TAF1B: variants seen among roughly 807,000 people sequenced by gnomAD.
TAF1B encodes the protein TATA-box binding protein associated factor, RNA polymerase I subunit B, also known as TATA box-binding protein-associated factor RNA polymerase I subunit B.
In TAF1B, 61 loss-of-function variants were observed where a neutral mutation model predicts 83.9. The ratio of observed to expected loss-of-function variants is 0.73; its 90% CI spans 0.59 to 0.90. The LOEUF is 0.90. Ranked by LOEUF, TAF1B falls within the 40% of genes least tolerant of loss-of-function variation. The pLI is 0.00. For missense variants in TAF1B, 625 were observed against 677.0 expected (o/e 0.92, Z 0.85); for synonymous variants, 221 against 224.6 (o/e 0.98, Z 0.14).
intron 14 of TAF1B, among the ~76,000 whole-genome samples, chr2:9,927,459 A>G (rs1666076269): frequency 6.6e-6 from 1 of 152,210 alleles, no homozygotes; most frequent in African/African-American, 2.4e-5. Flanking sequence ...GTCTTCCACA[A>G]TGGTTGAACT....
intron 8 of TAF1B, among the ~76,000 whole-genome samples, chr2:9,901,285 A>T (rs1665169870): frequency 6.6e-6 from 1 of 152,212 alleles, no homozygotes; most frequent in African/African-American, 2.4e-5. Context: ...TAAAAAATGA[A>T]ATCTGTAATA....
intron 5 of TAF1B, among the ~76,000 whole-genome samples, chr2:9,867,292 C>G (rs534665242): frequency 6.6e-6 from 1 of 152,088 alleles, no homozygotes; most frequent in Non-Finnish European, 1.5e-5. Context: ...CCAGAAGAAT[C>G]AGGCAGAGGC....
chr2:9,893,274 T>G (rs1319275913), intron 8 of TAF1B, among the ~76,000 whole-genome samples: 1 of 152,226 alleles, frequency 6.6e-6, no homozygotes, highest in Non-Finnish European at 1.5e-5. Flanking sequence ...TGTGTAATTT[T>G]ATTTCTGCGT....
At chr2:9,877,435 A>G (rs942545169) in intron 7 of TAF1B, among the ~76,000 whole-genome samples, 4 of 152,208 alleles carry the variant, frequency 2.6e-5, no homozygotes, top group South Asian at 4.2e-4. Flanking sequence ...TTTCCCCTCT[A>G]CGTACACTGT....
At chr2:9,843,581 CG>C in intron 1 of TAF1B, 22 bp downstream of exon 1, 1 of 1,506,780 alleles carries the variant, frequency 6.6e-7, no homozygotes, top group Non-Finnish European at 8.9e-7. Context: ...GTGCACCTGG[CG>C]GGCCACGATC....
rs1038283011 is a variant in TAF1B, at chr2:9,894,348, G to A, written c.808-10511G>A. On this transcript the variant is annotated intron_variant, in intron 8 of 14. Coordinates refer to ENST00000263663, the MANE Select transcript of TAF1B (RefSeq NM_005680.3). ...ATATTTATTATACAATATATCAGAA[G>A]GCCACTAAATAGTGGCATTTGGTTA... Among the ~76,000 whole-genome samples the A allele has an allele frequency of 2.0e-5, 3 of 151,972 alleles. No individual in the cohort carries two copies. The South Asian group carries it at 6.2e-4, about 31-fold the overall frequency.
chr2:9,886,695 A>G (rs1197022614), intron 8 of TAF1B, among the ~76,000 whole-genome samples: 1 of 152,176 alleles, frequency 6.6e-6, no homozygotes, highest in Non-Finnish European at 1.5e-5. Context: ...GATATAATAC[A>G]CCAAATTAAG....
intron 14 of TAF1B, among the ~76,000 whole-genome samples, chr2:9,929,120 G>C (rs9752674): frequency 0.82 from 124,249 of 152,122 alleles, 51,302 homozygotes; most frequent in Middle Eastern, 0.91. Flanking sequence ...GAGATAATCA[G>C]GTGGTTTTGT....
chr2:9,913,465 G>A (rs1665596291), intron 12 of TAF1B: 1 of 431,466 alleles, frequency 2.3e-6, no homozygotes, highest in African/African-American at 2.0e-5. Flanking sequence ...TTTTATTAAT[G>A]TCCTCTTTCT....
At chr2:9,878,851 C>G (rs1311701109) in intron 7 of TAF1B, among the ~76,000 whole-genome samples, 1 of 152,148 alleles carries the variant, frequency 6.6e-6, no homozygotes, top group Non-Finnish European at 1.5e-5. Flanking sequence ...ATTACTTTTG[C>G]ACTAACCTGA....
chr2:9,880,515 T>C (rs1384024679), intron 7 of TAF1B, among the ~76,000 whole-genome samples: 1 of 146,732 alleles, frequency 6.8e-6, no homozygotes, highest in Non-Finnish European at 1.5e-5. Flanking sequence ...GAAAAACTGT[T>C]AGAACTCCAG....
intron 14 of TAF1B, among the ~76,000 whole-genome samples, chr2:9,932,490 A>T (rs1222336918): frequency 2.0e-5 from 3 of 152,262 alleles, no homozygotes; most frequent in Non-Finnish European, 4.4e-5. Flanking sequence ...CCTGGGTATC[A>T]CCAGTGGAGG....
chr2:9,847,096 G>A (rs1052622629), intron 2 of TAF1B, among the ~76,000 whole-genome samples: 7 of 152,084 alleles, frequency 4.6e-5, no homozygotes, highest in Non-Finnish European at 8.8e-5. Context: ...TACTGTTTCC[G>A]TTTGATTCTG....
intron 8 of TAF1B, among the ~76,000 whole-genome samples, chr2:9,900,114 G>A (rs1425539492): frequency 1.3e-5 from 2 of 152,214 alleles, no homozygotes; most frequent in Non-Finnish European, 2.9e-5. Context: ...AAATTCAGGA[G>A]ATGAAACTAT....
chr2:9,882,328 G>C (rs2125154670), intron 7 of TAF1B, among the ~76,000 whole-genome samples: 1 of 152,214 alleles, frequency 6.6e-6, no homozygotes, highest in East Asian at 1.9e-4. Context: ...TCGGACTCCT[G>C]ACCTCGTGAT....
At chr2:9,888,790 G>GGTTTTTTTTTTTTTTTTTT (rs753209727) in intron 8 of TAF1B, among the ~76,000 whole-genome samples, 1 of 81,668 alleles carries the variant, frequency 1.2e-5, no homozygotes. Flanking sequence ...CTTCTGCTTG[G>GGTTTTTTTTTTTTTTTTTT]TTTTTTTTTT....
chr2:9,868,408 G>C lies in TAF1B; in HGVS notation c.532G>C (p.Val178Leu). 6.2e-7 allele frequency: 1 copy of C among 1,612,644 alleles called. No homozygotes were observed. Among genetic ancestry groups the C allele is most frequent in the South Asian group, 1.1e-5 (1 of 90,844 alleles). Residue 178 changes from valine to leucine, a missense_variant, in exon 6 of 15, where the codon GTC (valine) becomes CTC (leucine). Coordinates refer to ENST00000263663, the MANE Select transcript of TAF1B (RefSeq NM_005680.3). ...CATCCACACTCGAAAACCTTTCCCCGTCAGCAAAGCATCACAATCAGGTAA... is the reference window on the plus strand; with the variant it reads ...CATCCACACTCGAAAACCTTTCCCCCTCAGCAAAGCATCACAATCAGGTAA... Reference protein sequence around the residue: ...SDIHTRKPFPVSKASQSETSV... With the variant: ...SDIHTRKPFPLSKASQSETSV...
At chr2:9,919,916 T>A in intron 14 of TAF1B, 96 bp downstream of exon 14, 1 of 1,161,650 alleles carries the variant, frequency 8.6e-7, no homozygotes, top group Non-Finnish European at 1.2e-6. Flanking sequence ...CTGGTGAGCT[T>A]AAAGTCACGA....
intron 14 of TAF1B, among the ~76,000 whole-genome samples, chr2:9,933,032 C>T (rs761981787): frequency 3.9e-5 from 6 of 152,310 alleles, no homozygotes; most frequent in South Asian, 4.1e-4. Flanking sequence ...ATTGGAAAAG[C>T]GCAGTATTTG....
Sources: allele counts gnomAD v4.1 joint callset (sites outside exome capture counted in the v4.1 genomes callset), GRCh38; gene constraint gnomAD v4.1.1; transcripts MANE v1.5; gene names NCBI Gene and HGNC (gene_info 2026-07-23, HGNC 2026-07-21).